The following ENTREP2 variants were observed in gnomAD, a reference collection of about 807,000 sequenced individuals.
The protein encoded by ENTREP2 is endosomal transmembrane epsin interactor 2.
chr15:29,635,644 G>A, the ENTREP2 span, among the ~76,000 whole-genome samples: 15 of 152,294 alleles, frequency 9.8e-5, no homozygotes, highest in Admixed American at 2.6e-4. Flanking sequence ...AACAGACCCC[G>A]TGTAGGCCTC....
the ENTREP2 span, among the ~76,000 whole-genome samples, chr15:29,554,349 GGTAA>G: frequency 1.3e-5 from 2 of 148,696 alleles, no homozygotes; most frequent in African/African-American, 5.0e-5. Context: ...AAGTGAGGAA[GGTAA>G]GGAAGGAAGG....
the ENTREP2 span, among the ~76,000 whole-genome samples, chr15:29,584,997 GGATA>G: frequency 0.13 from 20,255 of 150,618 alleles, 1,465 homozygotes; most frequent in Non-Finnish European, 0.16. Flanking sequence ...AAAGATCGAT[GGATA>G]GATAGATAGA....
At chr15:29,537,746 G>A in the ENTREP2 span, among the ~76,000 whole-genome samples, 1 of 152,122 alleles carries the variant, frequency 6.6e-6, no homozygotes, top group Non-Finnish European at 1.5e-5. Context: ...TTCATTCAGA[G>A]AAAAAGCCAC....
chr15:29,400,244 T>A, the ENTREP2 span, among the ~76,000 whole-genome samples: 1 of 152,146 alleles, frequency 6.6e-6, no homozygotes, highest in African/African-American at 2.4e-5. Context: ...CTTTCCTACA[T>A]ATGTGCAAGC....
the ENTREP2 span, among the ~76,000 whole-genome samples, chr15:29,433,497 A>C: frequency 3.3e-5 from 5 of 152,226 alleles, no homozygotes; most frequent in Non-Finnish European, 7.3e-5. Flanking sequence ...AATTTACTTA[A>C]TGGTACAAAT....
the ENTREP2 span, among the ~76,000 whole-genome samples, chr15:29,210,569 A>G: frequency 2.6e-5 from 4 of 152,188 alleles, no homozygotes; most frequent in Admixed American, 6.5e-5. Context: ...CACGCTCCTT[A>G]TAAGAATCTA....
the ENTREP2 span, among the ~76,000 whole-genome samples, chr15:29,618,693 A>C: frequency 3.9e-5 from 6 of 152,336 alleles, no homozygotes; most frequent in Admixed American, 3.9e-4. Flanking sequence ...TGCAATCTAG[A>C]AAACAGGTCC....
At chr15:29,330,766 T>G in the ENTREP2 span, among the ~76,000 whole-genome samples, 1 of 152,134 alleles carries the variant, frequency 6.6e-6, no homozygotes, top group African/African-American at 2.4e-5. Context: ...TGTAGCGATA[T>G]TGGCTCATTC....
the ENTREP2 span, among the ~76,000 whole-genome samples, chr15:29,175,001 G>A: frequency 6.6e-6 from 1 of 152,158 alleles, no homozygotes; most frequent in Non-Finnish European, 1.5e-5. Flanking sequence ...AACATGTTGT[G>A]ATTTTTGGTA....
chr15:29,638,779 T>C, the ENTREP2 span, among the ~76,000 whole-genome samples: 2 of 151,232 alleles, frequency 1.3e-5, no homozygotes, highest in Non-Finnish European at 3.0e-5. Flanking sequence ...TGTTCTATTT[T>C]TCTATCACTG....
At chr15:29,622,381 T>C in the ENTREP2 span, among the ~76,000 whole-genome samples, 8 of 152,154 alleles carry the variant, frequency 5.3e-5, no homozygotes, top group South Asian at 1.5e-3. Flanking sequence ...AATTTTTTTG[T>C]ATTTTTAGTA....
At chr15:29,519,203 C>G in the ENTREP2 span, among the ~76,000 whole-genome samples, 4 of 151,906 alleles carry the variant, frequency 2.6e-5, no homozygotes, top group Middle Eastern at 3.4e-3. Context: ...GATAAAAAGT[C>G]CCCTTTAAGC....
the ENTREP2 span, among the ~76,000 whole-genome samples, chr15:29,602,647 C>T: frequency 6.6e-5 from 10 of 152,298 alleles, no homozygotes; most frequent in Admixed American, 5.9e-4. Context: ...ATGCAATTCT[C>T]ATGCCTCAGC....
At chr15:29,255,877 T>C in the ENTREP2 span, among the ~76,000 whole-genome samples, 1 of 151,678 alleles carries the variant, frequency 6.6e-6, no homozygotes, top group Non-Finnish European at 1.5e-5. Context: ...GGTGGGCGCC[T>C]GTAGTACCAG....
the ENTREP2 span, among the ~76,000 whole-genome samples, chr15:29,651,167 T>C: frequency 0.71 from 108,354 of 152,086 alleles, 39,352 homozygotes; most frequent in African/African-American, 0.84. Context: ...ACCCATGCAC[T>C]GGTAAGTTTT....
At chr15:29,464,820 G>C in the ENTREP2 span, among the ~76,000 whole-genome samples, 1 of 152,270 alleles carries the variant, frequency 6.6e-6, no homozygotes, top group South Asian at 2.1e-4. Context: ...CCTGGATGCA[G>C]GACGGGGAAC....
At chr15:29,479,252 G>A in the ENTREP2 span, among the ~76,000 whole-genome samples, 9 of 146,636 alleles carry the variant, frequency 6.1e-5, no homozygotes, top group East Asian at 1.0e-3. Context: ...TCCGACCCCC[G>A]CTCCTGCTCT....
chr15:29,261,399 C>T, the ENTREP2 span, among the ~76,000 whole-genome samples: 1 of 151,920 alleles, frequency 6.6e-6, no homozygotes. Flanking sequence ...TAAAAATTAG[C>T]CAGGCATGGT....
the ENTREP2 span, among the ~76,000 whole-genome samples, chr15:29,372,156 C>T: frequency 6.6e-6 from 1 of 152,028 alleles, no homozygotes. Context: ...TGCATAGGTC[C>T]ACTTACACAT....
Sources: gnomAD v4.1 joint callset for allele counts (sites outside exome capture counted in the v4.1 genomes callset) on GRCh38, gnomAD v4.1.1 for gene constraint, MANE v1.5 for transcripts, NCBI Gene and HGNC (gene_info 2026-07-23, HGNC 2026-07-21) for gene names.